The following ADGRL3 variants were observed in gnomAD, a reference collection of about 807,000 sequenced individuals.
ADGRL3 encodes calcium-independent alpha-latrotoxin receptor 3.
A neutral mutation model predicts 153.5 loss-of-function variants in ADGRL3; 62 were observed. That is an observed-to-expected ratio of 0.40 (90% CI 0.33 to 0.50). The LOEUF is 0.50. Ranked by LOEUF, ADGRL3 falls within the 20% of genes least tolerant of loss-of-function variation. The pLI is 0.47. For missense variants in ADGRL3, 1,641 were observed against 1,859.4 expected (o/e 0.88, Z 2.16); for synonymous variants, 710 against 672.5 (o/e 1.06, Z -0.86).
At chr4:62,035,088 T>G (rs1003451541) in intron 23 of ADGRL3, among the ~76,000 whole-genome samples, 14 of 151,994 alleles carry the variant, frequency 9.2e-5, no homozygotes, top group Non-Finnish European at 2.1e-4. Flanking sequence ...AAAAAATGTT[T>G]CCTGGACATG....
chr4:61,231,233 C>A (rs887474209), intron 1 of ADGRL3, among the ~76,000 whole-genome samples: 2 of 152,062 alleles, frequency 1.3e-5, no homozygotes, highest in African/African-American at 2.4e-5. Context: ...TTATCTCATA[C>A]GAATTTTTAT....
chr4:62,036,023 G>T (rs28538102), intron 23 of ADGRL3, among the ~76,000 whole-genome samples: 1 of 151,962 alleles, frequency 6.6e-6, no homozygotes, highest in Non-Finnish European at 1.5e-5. Flanking sequence ...GCTACAGCTC[G>T]ATTTCTTTTT....
Position 61,700,261 on chromosome 4 carries a change from A to G in ADGRL3, c.583+23326A>G, listed in dbSNP as rs2095729002. Among the ~76,000 whole-genome samples, 8 of 152,028 alleles carry G rather than the reference A, an allele frequency of 5.3e-5. No individual in the cohort carries two copies. The South Asian group carries it at 1.7e-3, about 32-fold the overall frequency. ...ACTGGAAAGTATACATAATTACTTTAAGGACTCTAATACTGGCTTGTTGCC... is the reference window on the plus strand; with the variant it reads ...ACTGGAAAGTATACATAATTACTTTGAGGACTCTAATACTGGCTTGTTGCC... On this transcript the variant is annotated intron_variant, in intron 6 of 26. Transcript: ENST00000683033.
At chr4:61,662,323 C>T (rs1412885422) in intron 5 of ADGRL3, among the ~76,000 whole-genome samples, 2 of 152,248 alleles carry the variant, frequency 1.3e-5, no homozygotes, top group Non-Finnish European at 2.9e-5. Context: ...CTCTTAGGGG[C>T]CTGGGAAGAC....
At chr4:61,349,913 T>C (rs1379106476) in intron 1 of ADGRL3, among the ~76,000 whole-genome samples, 1 of 152,206 alleles carries the variant, frequency 6.6e-6, no homozygotes, top group East Asian at 1.9e-4. Flanking sequence ...TTATTTGGTT[T>C]TCAGTTAGCC....
chr4:61,901,643 C>T (rs1011264571), intron 11 of ADGRL3, among the ~76,000 whole-genome samples: 3 of 152,122 alleles, frequency 2.0e-5, no homozygotes, highest in African/African-American at 7.2e-5. Flanking sequence ...CTATGTACTT[C>T]AATGCTATGT....
At chr4:61,727,796 G>T (rs1010261763) in intron 6 of ADGRL3, among the ~76,000 whole-genome samples, 4 of 152,094 alleles carry the variant, frequency 2.6e-5, no homozygotes, top group African/African-American at 4.8e-5. Context: ...ATTGCAATAT[G>T]ATTTTATATA....
At chr4:61,928,825 AG>A (rs780720649) in intron 13 of ADGRL3, among the ~76,000 whole-genome samples, 19 of 152,168 alleles carry the variant, frequency 1.2e-4, no homozygotes, top group Non-Finnish European at 2.6e-4. Context: ...GAAATAAAAA[AG>A]GATGCTTTCA....
chr4:61,631,966 G>A (rs1448735826), intron 5 of ADGRL3, among the ~76,000 whole-genome samples: 2 of 151,794 alleles, frequency 1.3e-5, no homozygotes, highest in South Asian at 2.1e-4. Context: ...AACTAGTAGT[G>A]TTTTCTTTAA....
chr4:61,603,241 A>C (rs1171496851), intron 5 of ADGRL3, among the ~76,000 whole-genome samples: 1 of 152,186 alleles, frequency 6.6e-6, no homozygotes, highest in Non-Finnish European at 1.5e-5. Context: ...CCAACACTCC[A>C]GCATTTTCCT....
chr4:61,802,306 A>G (rs1003241535), intron 8 of ADGRL3, among the ~76,000 whole-genome samples: 1 of 152,176 alleles, frequency 6.6e-6, no homozygotes, highest in Non-Finnish European at 1.5e-5. Context: ...ATTCGCCAAA[A>G]CTAAAATAAG....
intron 1 of ADGRL3, among the ~76,000 whole-genome samples, chr4:61,279,865 A>G (rs990767778): frequency 6.6e-6 from 1 of 151,998 alleles, no homozygotes; most frequent in Non-Finnish European, 1.5e-5. Context: ...AAGTCACTTA[A>G]CCCCTTTGGC....
chr4:61,327,697 A>G (rs2095493300), intron 1 of ADGRL3, among the ~76,000 whole-genome samples: 1 of 152,050 alleles, frequency 6.6e-6, no homozygotes, highest in African/African-American at 2.4e-5. Context: ...GAAATAATAC[A>G]AATAAAGAGA....
intron 22 of ADGRL3, among the ~76,000 whole-genome samples, chr4:62,030,274 A>T (rs1263299952): frequency 6.6e-6 from 1 of 151,686 alleles, no homozygotes; most frequent in Non-Finnish European, 1.5e-5. Context: ...CCTTCATTTT[A>T]CAAAGTTTCC....
chr4:61,310,919 G>T (rs1025326095), intron 1 of ADGRL3, among the ~76,000 whole-genome samples: 2 of 151,798 alleles, frequency 1.3e-5, no homozygotes, highest in Non-Finnish European at 2.9e-5. Flanking sequence ...ATATATTCCA[G>T]TCTAGGTTGT....
rs1747389905 is a variant in ADGRL3 at position 62,077,064 on chromosome 4, T to C, written c.*6156T>C. The stretch of plus-strand genomic sequence containing the variant: ...CTCTGCCTTTAATTATTATAGTCAA[T>C]TCATAAAATTCTACATACAGTTGTA... On this transcript the variant is annotated 3_prime_UTR_variant, in exon 27 of 27. Transcript: ENST00000683033. The C allele has an allele frequency of 6.6e-6, 1 of 151,912 alleles. No individual in the cohort carries two copies. Among genetic ancestry groups the C allele is most frequent in the Admixed American group, 6.6e-5 (1 of 15,230 alleles). The allele number at this position is 151,912 out of a possible 1,614,324, so 9.4% of individuals were successfully genotyped here. A position where few individuals can be genotyped will look rare whatever the true frequency, so the allele number is the denominator to read the frequency against.
intron 1 of ADGRL3, among the ~76,000 whole-genome samples, chr4:61,345,209 G>A (rs1361203812): frequency 1.3e-5 from 2 of 152,022 alleles, no homozygotes; most frequent in African/African-American, 4.8e-5. Context: ...AAATAATTAT[G>A]TTGGTTTTAT....
intron 2 of ADGRL3, among the ~76,000 whole-genome samples, chr4:61,473,420 T>G (rs1340261080): frequency 6.6e-6 from 1 of 152,032 alleles, no homozygotes; most frequent in Admixed American, 6.6e-5. Context: ...AGTTTTTCCT[T>G]CAGTTATTTT....
intron 2 of ADGRL3, among the ~76,000 whole-genome samples, chr4:61,450,787 A>G (rs1380578264): frequency 6.6e-6 from 1 of 152,174 alleles, no homozygotes; most frequent in South Asian, 2.1e-4. Context: ...ATCTATGAAC[A>G]GCCATAATAA....
Sources: allele counts gnomAD v4.1 joint callset (sites outside exome capture counted in the v4.1 genomes callset), GRCh38; gene constraint gnomAD v4.1.1; transcripts MANE v1.5; gene names NCBI Gene and HGNC (gene_info 2026-07-23, HGNC 2026-07-21).